The following VPS35 variants were observed in gnomAD, a reference collection of about 807,000 sequenced individuals.
The protein encoded by VPS35 is VPS35 retromer complex component.
Under a neutral mutation model 98.1 loss-of-function variants are expected in VPS35, and 21 were observed. The observed-to-expected ratio is 0.21, with a 90% CI of 0.15 to 0.31. The LOEUF is 0.31. VPS35 is among the 10% of genes least tolerant of loss of function. VPS35 has a pLI of 1.00. For missense variants in VPS35, 554 were observed against 950.8 expected (o/e 0.58, Z 5.49); for synonymous variants, 268 against 318.2 (o/e 0.84, Z 1.68).
chr16:46,664,525 C>CTT (rs529630190), intron 13 of VPS35, among the ~76,000 whole-genome samples: 3 of 142,780 alleles, frequency 2.1e-5, no homozygotes, highest in African/African-American at 5.1e-5. Flanking sequence ...CTTTTCTTTT[C>CTT]TTTTTTTTTT....
At chr16:46,666,356 C>A (rs892900085) in intron 13 of VPS35, among the ~76,000 whole-genome samples, 2 of 151,350 alleles carry the variant, frequency 1.3e-5, no homozygotes, top group East Asian at 1.9e-4. Context: ...ACAACCTCTG[C>A]GTCCCGGGTT....
intron 8 of VPS35, among the ~76,000 whole-genome samples, chr16:46,675,596 AT>A (rs1411844601): frequency 6.6e-6 from 1 of 152,196 alleles, no homozygotes; most frequent in Non-Finnish European, 1.5e-5. Flanking sequence ...TGAGCTGACA[AT>A]TTGGAAAAAT....
At chr16:46,679,217 C>G in intron 5 of VPS35, 61 bp from the exon 6 acceptor site, 1 of 1,419,756 alleles carries the variant, frequency 7.0e-7, no homozygotes, top group Non-Finnish European at 9.7e-7. Flanking sequence ...TACTATCCTT[C>G]TCCTTTGTGT....
At chr16:46,666,100 C>T (rs1965985073) in intron 13 of VPS35, among the ~76,000 whole-genome samples, 1 of 151,280 alleles carries the variant, frequency 6.6e-6, no homozygotes, top group Admixed American at 6.6e-5. Context: ...GACAGGGTTT[C>T]ACCATGTTGG....
intron 14 of VPS35, 27 bp from the exon 15 acceptor site, chr16:46,662,509 T>G (rs1965928580): frequency 6.2e-7 from 1 of 1,611,764 alleles, no homozygotes; most frequent in South Asian, 1.1e-5. Context: ...AGAAAGGACT[T>G]TCAAGGACCA....
At chr16:46,662,879 T>G (rs541423152) in intron 14 of VPS35, 104 bp downstream of exon 14, 1 of 1,282,214 alleles carries the variant, frequency 7.8e-7, no homozygotes, top group Admixed American at 1.8e-5. Flanking sequence ...AGTTACACAT[T>G]CAGTAAAAGA....
chr16:46,672,688 G>T (rs1363186293), intron 10 of VPS35, among the ~76,000 whole-genome samples: 1 of 152,094 alleles, frequency 6.6e-6, no homozygotes, highest in Non-Finnish European at 1.5e-5. Context: ...TTTTTCTGTT[G>T]ATACAAAACT....
chr16:46,687,617 C>T (rs556248486), intron 1 of VPS35, among the ~76,000 whole-genome samples: 2 of 152,252 alleles, frequency 1.3e-5, no homozygotes, highest in Non-Finnish European at 2.9e-5. Flanking sequence ...GTTCTACAAG[C>T]GTGTCTCCCC....
chr16:46,676,719 A>G (rs1335724652), intron 7 of VPS35, 27 bp from the exon 8 acceptor site: 1 of 1,497,416 alleles, frequency 6.7e-7, no homozygotes, highest in Non-Finnish European at 9.3e-7. Flanking sequence ...CAATACAAAT[A>G]AAAGTATTTC....
intron 1 of VPS35, among the ~76,000 whole-genome samples, chr16:46,685,415 A>T (rs1221750888): frequency 6.6e-6 from 1 of 152,214 alleles, no homozygotes; most frequent in Non-Finnish European, 1.5e-5. Context: ...CTAACTTTGG[A>T]AAGAGAAAAA....
In VPS35 at chr16:46,672,322, A is replaced by G. The variant is rs1275294177; in HGVS notation, c.1311T>C (p.Ser437=). 1 of 1,613,744 alleles carries G rather than the reference A, an allele frequency of 6.2e-7. No homozygotes were observed. ...CCAGAACATTACTAAGCACATAACA[A>G]CTCATGCTCTTTCTGGACTCGTAGT... ...YFDYESRKSM[S]CYVLSNVLDY... Residue 437 remains serine (S), a synonymous_variant, in exon 11 of 17, where the codon AGT becomes AGC. Transcript: ENST00000299138.
At chr16:46,663,326 T>C (rs1317832461) in intron 13 of VPS35, among the ~76,000 whole-genome samples, 164 bp from the exon 14 acceptor site, 2 of 152,280 alleles carry the variant, frequency 1.3e-5, no homozygotes, top group Non-Finnish European at 2.9e-5. Flanking sequence ...AAGCAGGATG[T>C]CTTCTCAAAA....
At chr16:46,679,269 A>G (rs1420786757) in intron 5 of VPS35, 113 bp from the exon 6 acceptor site, 1 of 1,003,172 alleles carries the variant, frequency 1.0e-6, no homozygotes, top group African/African-American at 1.6e-5. Flanking sequence ...CTTTATAAAA[A>G]ATCACTTTCA....
At chr16:46,681,861 T>C (rs1480429532) in intron 3 of VPS35, 3 of 565,066 alleles carry the variant, frequency 5.3e-6, no homozygotes, top group South Asian at 2.1e-5. Flanking sequence ...AAAATTGAGA[T>C]GCACCGACAA....
At chr16:46,682,236 T>C in intron 2 of VPS35, 61 bp from the exon 3 acceptor site, 1 of 1,296,558 alleles carries the variant, frequency 7.7e-7, no homozygotes, top group East Asian at 2.4e-5. Flanking sequence ...TTATCTTGGT[T>C]GTACAAATTC....
rs1965850869 is a variant in VPS35, at chr16:46,657,225, C to T, written c.*3247G>A. On this transcript the variant is annotated 3_prime_UTR_variant, in exon 17 of 17. Coordinates refer to ENST00000299138, the MANE Select transcript of VPS35 (RefSeq NM_018206.6). ...CCTGAATCAGTGTCTGTTGTCCATGCCTACAGCATCCCCATAGGACAAACC... is the reference window on the plus strand; with the variant it reads ...CCTGAATCAGTGTCTGTTGTCCATGTCTACAGCATCCCCATAGGACAAACC... 1 of 152,172 alleles carries T rather than the reference C, an allele frequency of 6.6e-6. No homozygotes were observed. Among genetic ancestry groups the T allele is most frequent in the African/African-American group, 2.4e-5 (1 of 41,412 alleles). The allele number at this position is 152,172 out of a possible 1,614,324, so 9.4% of individuals were successfully genotyped here.
chr16:46,662,630 G>T, intron 14 of VPS35, 148 bp from the exon 15 acceptor site: 1 of 1,298,836 alleles, frequency 7.7e-7, no homozygotes, highest in Non-Finnish European at 1.1e-6. Flanking sequence ...GAGAGCCACA[G>T]GACACAACTG....
intron 13 of VPS35, among the ~76,000 whole-genome samples, chr16:46,665,347 A>G (rs1470900001): frequency 1.3e-5 from 2 of 152,220 alleles, no homozygotes; most frequent in African/African-American, 4.8e-5. Flanking sequence ...TAATCCCAAC[A>G]CTTAGGGAGG....
chr16:46,680,691 AG>A lies in VPS35; in HGVS notation c.485del (p.Pro162LeufsTer29). On this transcript the variant is annotated frameshift_variant, in exon 5 of 17. Coordinates refer to ENST00000299138, the MANE Select transcript of VPS35 (RefSeq NM_018206.6). LOFTEE classifies it high-confidence loss of function. ...YLLQCTRNIL[P>X]DEGEPTDEET... ...CTTACTCTGTTGGCTCTCCTTCATCAGGTAAGATATTTCTGGTACACTGAAG... is the reference window on the plus strand; with the variant it reads ...CTTACTCTGTTGGCTCTCCTTCATCAGTAAGATATTTCTGGTACACTGAAG... 6.2e-7 allele frequency: 1 copy of A among 1,613,926 alleles called. No individual in the cohort carries two copies.
Sources: allele counts gnomAD v4.1 joint callset (sites outside exome capture counted in the v4.1 genomes callset), GRCh38; gene constraint gnomAD v4.1.1; transcripts MANE v1.5; gene names NCBI Gene and HGNC (gene_info 2026-07-23, HGNC 2026-07-21).